The following SGCZ variants were observed in gnomAD, a reference collection of about 807,000 sequenced individuals.
SGCZ encodes zeta-sarcoglycan.
In SGCZ, 40 loss-of-function variants were observed where a neutral mutation model predicts 41.3. The ratio of observed to expected loss-of-function variants is 0.97; its 90% CI spans 0.75 to 1.26. The LOEUF is 1.26. SGCZ is among the 50% of genes most tolerant of loss of function. The probability of loss-of-function intolerance (pLI) is 0.00; values close to 1 mark genes in which losing one functional copy is unlikely to be tolerated. For synonymous variants in SGCZ, 206 were observed against 137.5 expected, an observed-to-expected ratio of 1.50 and a Z score of -3.49; for missense variants, 552 against 369.8, an observed-to-expected ratio of 1.49 and a Z score of -4.04.
At chr8:14,527,130 T>C (rs557200626) in intron 2 of SGCZ, among the ~76,000 whole-genome samples, 1 of 152,270 alleles carries the variant, frequency 6.6e-6, no homozygotes, top group South Asian at 2.1e-4. Flanking sequence ...TGGCATACTC[T>C]TCCAAGGTTA....
At chr8:14,625,747 A>C (rs1000867298) in intron 1 of SGCZ, among the ~76,000 whole-genome samples, 5 of 152,162 alleles carry the variant, frequency 3.3e-5, no homozygotes, top group African/African-American at 1.2e-4. Flanking sequence ...GAACAGTGTA[A>C]GAATTCTCCC....
intron 1 of SGCZ, among the ~76,000 whole-genome samples, chr8:15,038,271 G>C (rs1201790227): frequency 6.6e-6 from 1 of 151,954 alleles, no homozygotes; most frequent in African/African-American, 2.4e-5. Flanking sequence ...TAGACCAATG[G>C]AGTAAAATAG....
intron 1 of SGCZ, among the ~76,000 whole-genome samples, chr8:14,606,114 A>T (rs1163724989): frequency 6.6e-6 from 1 of 151,976 alleles, no homozygotes; most frequent in African/African-American, 2.4e-5. Flanking sequence ...TTCTATTACC[A>T]CCGAGGAACA....
intron 1 of SGCZ, among the ~76,000 whole-genome samples, chr8:14,674,928 G>GT (rs201881681): frequency 0.082 from 5,791 of 71,022 alleles, 1,414 homozygotes; most frequent in East Asian, 0.2. Context: ...TTTCTTTTCT[G>GT]TTTTTTTTTT....
At position 14,829,951 on chromosome 8, in the gene SGCZ, A is replaced by G. The variant is rs560377401; in HGVS notation, c.40-275025T>C. Among the ~76,000 whole-genome samples the G allele has an allele frequency of 6.6e-5, 10 of 152,180 alleles. No homozygotes were observed. The South Asian group carries it at 8.3e-4, about 13-fold the overall frequency. On this transcript the variant is annotated intron_variant, in intron 1 of 7. Transcript: ENST00000382080. ...CTCAGCCTCCTGAGTAGCTGGGACT[A>G]CAGGCGACTGCACCACGCCCGGCTA...
chr8:15,236,986 C>G (rs1370115115), intron 1 of SGCZ, among the ~76,000 whole-genome samples: 1 of 152,284 alleles, frequency 6.6e-6, no homozygotes, highest in East Asian at 1.9e-4. Context: ...AGCGGGGGTA[C>G]CTCTCCAGCC....
At chr8:14,287,380 TAATAAC>T (rs1479707225) in intron 3 of SGCZ, among the ~76,000 whole-genome samples, 1 of 152,022 alleles carries the variant, frequency 6.6e-6, no homozygotes, top group Non-Finnish European at 1.5e-5. Context: ...TGACTTTGCT[TAATAAC>T]AATTAAGTGC....
chr8:14,231,914 G>C (rs116813751), intron 4 of SGCZ, among the ~76,000 whole-genome samples: 551 of 152,122 alleles, frequency 3.6e-3, no homozygotes, highest in African/African-American at 0.013. Context: ...TACTCTGTAA[G>C]ATAGAGATGC....
chr8:14,566,267 T>C (rs1241221822), intron 1 of SGCZ, among the ~76,000 whole-genome samples: 1 of 152,354 alleles, frequency 6.6e-6, no homozygotes, highest in East Asian at 1.9e-4. Context: ...AGAAAAAAGA[T>C]AAGCCCGAAT....
Position 14,329,739 on chromosome 8 carries a change from C to A in SGCZ, c.235-5535G>T, listed in dbSNP as rs1585371077. Among the ~76,000 whole-genome samples the A allele has an allele frequency of 2.6e-5, 4 of 152,248 alleles. 1 individual carries two copies. The highest frequency in any genetic ancestry group is 2.6e-4 in the Admixed American group (4 of 15,294). Reference sequence around the variant, plus strand: ...TTATAAAACAGACTCTTCCAGTGTGCCCCAACCCCCTCCTTTAGAATGAAT... The same window carrying A: ...TTATAAAACAGACTCTTCCAGTGTGACCCAACCCCCTCCTTTAGAATGAAT... On this transcript the variant is annotated intron_variant, in intron 2 of 7. Coordinates refer to ENST00000382080, the MANE Select transcript of SGCZ (RefSeq NM_139167.4).
At chr8:14,779,862 A>T (rs186212034) in intron 1 of SGCZ, among the ~76,000 whole-genome samples, 1 of 152,226 alleles carries the variant, frequency 6.6e-6, no homozygotes, top group African/African-American at 2.4e-5. Context: ...AATTGCATTT[A>T]ATTAAATTGT....
chr8:14,947,301 G>A (rs1317624532), intron 1 of SGCZ, among the ~76,000 whole-genome samples: 1 of 152,196 alleles, frequency 6.6e-6, no homozygotes, highest in Non-Finnish European at 1.5e-5. Flanking sequence ...TCTGGATTTG[G>A]TTGGATGGCA....
intron 1 of SGCZ, among the ~76,000 whole-genome samples, chr8:15,065,248 T>C (rs1805086496): frequency 6.6e-6 from 1 of 152,076 alleles, no homozygotes; most frequent in South Asian, 2.1e-4. Flanking sequence ...CCTGCACACA[T>C]GCATTTCCTA....
intron 2 of SGCZ, among the ~76,000 whole-genome samples, chr8:14,407,887 T>C (rs965681618): frequency 2.0e-5 from 3 of 152,196 alleles, no homozygotes; most frequent in African/African-American, 7.2e-5. Context: ...ATGCTGGCTG[T>C]CAGGAGAAAA....
chr8:14,268,736 A>G (rs1350699004), intron 3 of SGCZ, among the ~76,000 whole-genome samples: 2 of 151,932 alleles, frequency 1.3e-5, no homozygotes, highest in Admixed American at 1.3e-4. Flanking sequence ...TTAAATTAAT[A>G]TTATATGTAC....
At chr8:15,053,894 G>T (rs931125145) in intron 1 of SGCZ, among the ~76,000 whole-genome samples, 1 of 152,074 alleles carries the variant, frequency 6.6e-6, no homozygotes, top group African/African-American at 2.4e-5. Flanking sequence ...TCAGAATTCT[G>T]ACACCAAAAC....
intron 5 of SGCZ, among the ~76,000 whole-genome samples, chr8:14,139,810 A>T (rs1803311259): frequency 6.6e-6 from 1 of 152,244 alleles, no homozygotes; most frequent in African/African-American, 2.4e-5. Flanking sequence ...ATAGAAAAAG[A>T]GGGAATCCTC....
At chr8:14,221,390 G>A (rs1349736988) in intron 4 of SGCZ, among the ~76,000 whole-genome samples, 2 of 152,160 alleles carry the variant, frequency 1.3e-5, no homozygotes, top group East Asian at 3.8e-4. Context: ...TTTCAGGAGA[G>A]GCAATTGTTG....
chr8:14,665,971 T>C lies in SGCZ; in HGVS notation c.40-111045A>G, dbSNP rs1239701704. Among the ~76,000 whole-genome samples the C allele has an allele frequency of 2.0e-5, 3 of 152,216 alleles. No homozygotes were observed. The East Asian group carries it at 5.8e-4, about 29-fold the overall frequency. On this transcript the variant is annotated intron_variant, in intron 1 of 7. Coordinates refer to ENST00000382080, the MANE Select transcript of SGCZ (RefSeq NM_139167.4). ...CTAATGAAGGGATTTGAGGAAAAAT[T>C]GAACGTCATCCCACATCCTGGGCAG...
Sources: allele counts gnomAD v4.1 joint callset (sites outside exome capture counted in the v4.1 genomes callset), GRCh38; gene constraint gnomAD v4.1.1; transcripts MANE v1.5; gene names NCBI Gene and HGNC (gene_info 2026-07-23, HGNC 2026-07-21).